CTNND2: variants seen among roughly 807,000 people sequenced by gnomAD.
CTNND2 encodes catenin delta-2.
Under a neutral mutation model 144.4 loss-of-function variants are expected in CTNND2, and 22 were observed. That is an observed-to-expected ratio of 0.15 (90% confidence interval 0.11 to 0.22). CTNND2 has a LOEUF of 0.22. Ranked by LOEUF, CTNND2 falls within the 10% of genes least tolerant of loss-of-function variation. The probability of loss-of-function intolerance (pLI) is 1.00; values close to 1 mark genes in which losing one functional copy is unlikely to be tolerated. For synonymous variants in CTNND2, 751 were observed against 695.6 expected (o/e 1.08, Z -1.25); for missense variants, 1,353 against 1,618.8 (o/e 0.84, Z 2.82).
At position 11,785,491 on chromosome 5, in the gene CTNND2, A is replaced by T. The variant is rs562218480; in HGVS notation, c.38-53219T>A. On this transcript the variant is annotated intron_variant, in intron 1 of 21. Coordinates refer to ENST00000304623, the MANE Select transcript of CTNND2 (RefSeq NM_001332.4). The stretch of plus-strand genomic sequence containing the variant: ...CCAATTTAAAGTGAATAAAATATGA[A>T]TTGGATGGATAATGTATGTTCTATC... Among the ~76,000 whole-genome samples, 14 of 152,334 alleles carry T rather than the reference A, an allele frequency of 9.2e-5. 1 individual carries two copies. The highest frequency in any genetic ancestry group is 3.4e-4 in the African/African-American group (14 of 41,584).
chr5:11,620,793 T>A (rs1441630062), intron 2 of CTNND2, among the ~76,000 whole-genome samples: 1 of 152,194 alleles, frequency 6.6e-6, no homozygotes, highest in Non-Finnish European at 1.5e-5. Flanking sequence ...GCTGGAGTTG[T>A]TCTTCCTAGT....
intron 2 of CTNND2, among the ~76,000 whole-genome samples, chr5:11,705,686 A>ATT (rs2126679610): frequency 6.6e-6 from 1 of 152,316 alleles, no homozygotes; most frequent in Admixed American, 6.5e-5. Context: ...GAAGTGGTAT[A>ATT]ATGCTGTCAG....
At chr5:11,203,566 G>A (rs1737722737) in intron 10 of CTNND2, among the ~76,000 whole-genome samples, 1 of 152,110 alleles carries the variant, frequency 6.6e-6, no homozygotes, top group Non-Finnish European at 1.5e-5. Flanking sequence ...GAAGACATGA[G>A]GTTTCGCCAT....
At chr5:11,281,361 G>C (rs1747094330) in intron 9 of CTNND2, among the ~76,000 whole-genome samples, 1 of 152,150 alleles carries the variant, frequency 6.6e-6, no homozygotes, top group Non-Finnish European at 1.5e-5. Context: ...GACTAAAGCT[G>C]TTACCTCACG....
intron 1 of CTNND2, among the ~76,000 whole-genome samples, chr5:11,776,213 T>A (rs1197803407): frequency 1.3e-5 from 2 of 152,098 alleles, no homozygotes; most frequent in African/African-American, 4.8e-5. Flanking sequence ...GGGGGCAGAA[T>A]CCTAGGTTTT....
intron 3 of CTNND2, among the ~76,000 whole-genome samples, chr5:11,442,092 G>A (rs1298304857): frequency 3.3e-5 from 5 of 151,998 alleles, no homozygotes; most frequent in Non-Finnish European, 5.9e-5. Flanking sequence ...TAGAAATTCC[G>A]TAGTTTAAAA....
chr5:11,428,266 C>T (rs1224718819), intron 3 of CTNND2, among the ~76,000 whole-genome samples: 1 of 152,152 alleles, frequency 6.6e-6, no homozygotes, highest in Non-Finnish European at 1.5e-5. Context: ...TAATTAATTT[C>T]CAAAATCTGA....
At chr5:11,653,069 TCGTGTGTG>T (rs1782724875) in intron 2 of CTNND2, among the ~76,000 whole-genome samples, 2 of 105,082 alleles carry the variant, frequency 1.9e-5, no homozygotes, top group Admixed American at 1.1e-4. Flanking sequence ...TGAACAAAAT[TCGTGTGTG>T]TGTGTGTGTG....
At chr5:11,422,017 G>A (rs781499026) in intron 3 of CTNND2, among the ~76,000 whole-genome samples, 5 of 152,070 alleles carry the variant, frequency 3.3e-5, no homozygotes, top group East Asian at 1.9e-4. Context: ...GACTGCCCCC[G>A]CACTCCAGCC....
rs536633432 is a variant in CTNND2, at chr5:11,449,585, G to A, written c.288-37516C>T. Among the ~76,000 whole-genome samples, 3 of 152,236 alleles carry A rather than the reference G, an allele frequency of 2.0e-5. 1 individual carries two copies. In the South Asian group the frequency reaches 6.2e-4, roughly 32 times the overall value. ...GCATATCATGGAATAATGACAGCAGGGGGCACACTCAAAAAGCCCCCCATC... is the reference window on the plus strand; with the variant it reads ...GCATATCATGGAATAATGACAGCAGAGGGCACACTCAAAAAGCCCCCCATC... On this transcript the variant is annotated intron_variant, in intron 3 of 21. Coordinates refer to ENST00000304623, the MANE Select transcript of CTNND2 (RefSeq NM_001332.4).
At chr5:11,248,381 A>G (rs1320136984) in intron 9 of CTNND2, among the ~76,000 whole-genome samples, 2 of 151,988 alleles carry the variant, frequency 1.3e-5, no homozygotes, top group African/African-American at 4.8e-5. Flanking sequence ...ATGTGTATGT[A>G]TATGTGCAGA....
chr5:11,169,248 C>T (rs1268613426), intron 11 of CTNND2, among the ~76,000 whole-genome samples: 1 of 152,188 alleles, frequency 6.6e-6, no homozygotes, highest in East Asian at 1.9e-4. Flanking sequence ...GACACTAAGA[C>T]TCTTTCAAGG....
chr5:11,343,951 T>A (rs972723647), intron 9 of CTNND2, among the ~76,000 whole-genome samples: 2 of 152,146 alleles, frequency 1.3e-5, no homozygotes, highest in African/African-American at 4.8e-5. Context: ...AACGCCAAAA[T>A]AAATAAGTGT....
chr5:11,882,297 C>A (rs77824838), intron 1 of CTNND2, among the ~76,000 whole-genome samples: 4,241 of 152,004 alleles, frequency 0.028, 198 homozygotes, highest in African/African-American at 0.095. Flanking sequence ...AATCTTTGCC[C>A]AGACCAAAAT....
intron 3 of CTNND2, among the ~76,000 whole-genome samples, chr5:11,440,783 G>T (rs1370491047): frequency 6.6e-6 from 1 of 152,152 alleles, no homozygotes; most frequent in Non-Finnish European, 1.5e-5. Context: ...GAAGAAATAT[G>T]CTCCTTCCCC....
intron 2 of CTNND2, among the ~76,000 whole-genome samples, chr5:11,688,591 T>C (rs1054327537): frequency 6.6e-6 from 1 of 152,210 alleles, no homozygotes; most frequent in African/African-American, 2.4e-5. Context: ...CTAAATCTGT[T>C]TCAAAAATAA....
intron 1 of CTNND2, among the ~76,000 whole-genome samples, chr5:11,862,373 G>A (rs116184380): frequency 1.9e-3 from 291 of 152,124 alleles, no homozygotes; most frequent in African/African-American, 5.6e-3. Flanking sequence ...ATTTTGGGAC[G>A]GTTCCCTCTC....
At chr5:11,117,120 A>G (rs988339293) in intron 13 of CTNND2, among the ~76,000 whole-genome samples, 1 of 147,516 alleles carries the variant, frequency 6.8e-6, no homozygotes, top group African/African-American at 2.6e-5. Context: ...TTTTCTGTTG[A>G]AAGTGGATTA....
intron 3 of CTNND2, among the ~76,000 whole-genome samples, chr5:11,547,989 T>C (rs1775394421): frequency 6.6e-6 from 1 of 152,052 alleles, no homozygotes; most frequent in African/African-American, 2.4e-5. Flanking sequence ...ACTCTGCAAA[T>C]GTTCTCAGGA....
Sources: gnomAD v4.1 joint callset for allele counts (sites outside exome capture counted in the v4.1 genomes callset) on GRCh38, gnomAD v4.1.1 for gene constraint, MANE v1.5 for transcripts, NCBI Gene and HGNC (gene_info 2026-07-23, HGNC 2026-07-21) for gene names.